KHDRBS2: variants seen among roughly 807,000 people sequenced by gnomAD.
The protein encoded by KHDRBS2 is KH RNA binding domain containing, signal transduction associated 2.
KHDRBS2 carries 26 observed loss-of-function variants against 44.3 expected under a neutral mutation model. That is an observed-to-expected ratio of 0.59 (90% CI 0.43 to 0.81). The LOEUF (loss-of-function observed/expected upper bound fraction) is 0.81, where lower values mean the gene tolerates loss of function less well. KHDRBS2 is among the 40% of genes least tolerant of loss of function. The pLI is 0.00. For missense variants in KHDRBS2, 476 were observed against 433.1 expected (o/e 1.10, Z -0.88); for synonymous variants, 194 against 151.1 (o/e 1.28, Z -2.08).
At chr6:61,938,460 A>G (rs1373327114) in intron 4 of KHDRBS2, among the ~76,000 whole-genome samples, 1 of 152,174 alleles carries the variant, frequency 6.6e-6, no homozygotes, top group Non-Finnish European at 1.5e-5. Context: ...GGTCAACCAC[A>G]TTGGAGAGTA....
chr6:61,739,933 T>A (rs868758466), intron 6 of KHDRBS2, among the ~76,000 whole-genome samples: 1 of 152,108 alleles, frequency 6.6e-6, no homozygotes, highest in Middle Eastern at 3.4e-3. Context: ...TTTAAAGTTG[T>A]GTAATTCAAT....
At chr6:61,716,998 C>A (rs1415927461) in intron 7 of KHDRBS2, among the ~76,000 whole-genome samples, 1 of 152,028 alleles carries the variant, frequency 6.6e-6, no homozygotes, top group African/African-American at 2.4e-5. Context: ...TGTTGACATG[C>A]CTTGATCTCA....
At chr6:61,806,194 A>C (rs1353436921) in intron 6 of KHDRBS2, among the ~76,000 whole-genome samples, 1 of 152,194 alleles carries the variant, frequency 6.6e-6, no homozygotes, top group Admixed American at 6.5e-5. Flanking sequence ...CGAAGCTGGA[A>C]ATGACATTGA....
At chr6:61,900,181 T>C (rs1803706625) in intron 5 of KHDRBS2, among the ~76,000 whole-genome samples, 1 of 152,088 alleles carries the variant, frequency 6.6e-6, no homozygotes, top group Non-Finnish European at 1.5e-5. Context: ...GATATTTTAT[T>C]TGAGAATTTA....
chr6:61,662,482 T>A, the KHDRBS2 span, among the ~76,000 whole-genome samples: 8 of 151,768 alleles, frequency 5.3e-5, no homozygotes, highest in Non-Finnish European at 7.4e-5. Flanking sequence ...TGGGAGAAAA[T>A]TTTTGCAATG....
intron 3 of KHDRBS2, among the ~76,000 whole-genome samples, chr6:62,018,711 A>G (rs1243545629): frequency 6.6e-6 from 1 of 152,178 alleles, no homozygotes; most frequent in Non-Finnish European, 1.5e-5. Context: ...TGGACATAAG[A>G]CTGAGTAGAC....
chr6:61,695,471 G>T (rs148957496), intron 8 of KHDRBS2, among the ~76,000 whole-genome samples: 1 of 152,144 alleles, frequency 6.6e-6, no homozygotes, highest in African/African-American at 2.4e-5. Context: ...TTTCTATAAG[G>T]ATTACTTCTG....
At chr6:62,237,069 C>G (rs939760494) in intron 1 of KHDRBS2, among the ~76,000 whole-genome samples, 1 of 152,180 alleles carries the variant, frequency 6.6e-6, no homozygotes, top group African/African-American at 2.4e-5. Flanking sequence ...TACTTCCTCA[C>G]TAAATGACGC....
chr6:62,156,079 G>C (rs1816315611), intron 2 of KHDRBS2, among the ~76,000 whole-genome samples: 1 of 152,064 alleles, frequency 6.6e-6, no homozygotes, highest in Admixed American at 6.6e-5. Flanking sequence ...ATTTTCCAGG[G>C]TGTAGTCAGA....
chr6:62,192,902 G>A (rs776125944), intron 1 of KHDRBS2, among the ~76,000 whole-genome samples: 2 of 152,082 alleles, frequency 1.3e-5, no homozygotes, highest in Non-Finnish European at 2.9e-5. Context: ...TACGCTTGTT[G>A]CTCATACTAC....
At chr6:61,678,276 G>A (rs2127536594), downstream of KHDRBS2, among the ~76,000 whole-genome samples, 2 of 152,064 alleles carry the variant, frequency 1.3e-5, 1 homozygote, top group South Asian at 4.1e-4. Context: ...TTCAGTTGAA[G>A]TTTATTGGCT....
At chr6:61,586,945 A>G in the KHDRBS2 span, among the ~76,000 whole-genome samples, 1 of 152,170 alleles carries the variant, frequency 6.6e-6, no homozygotes, top group Non-Finnish European at 1.5e-5. Flanking sequence ...CTAATAATAC[A>G]TGAGAAAACT....
intron 2 of KHDRBS2, among the ~76,000 whole-genome samples, chr6:62,117,378 C>T (rs1327316473): frequency 6.6e-6 from 1 of 152,116 alleles, no homozygotes; most frequent in Non-Finnish European, 1.5e-5. Context: ...TGTCACATAC[C>T]TGTTGACCAT....
chr6:61,860,680 A>G (rs529585966), intron 6 of KHDRBS2, among the ~76,000 whole-genome samples: 2 of 152,170 alleles, frequency 1.3e-5, no homozygotes, highest in African/African-American at 4.8e-5. Context: ...CAGTGGACAT[A>G]TGCATGCATG....
intron 7 of KHDRBS2, among the ~76,000 whole-genome samples, chr6:61,700,947 G>A (rs1768556277): frequency 1.3e-5 from 2 of 151,912 alleles, no homozygotes; most frequent in South Asian, 2.1e-4. Context: ...ACTGAATTTT[G>A]AGCCTCTGTT....
In KHDRBS2 at chr6:62,206,183, CA is replaced by C. The variant is rs75357140; in HGVS notation, c.92-28872del. On this transcript the variant is annotated intron_variant, in intron 1 of 8. Coordinates refer to ENST00000281156, the MANE Select transcript of KHDRBS2 (RefSeq NM_152688.4). ...TTCAACAGAATATCCATTTAATTTTCAAAACTATGCATAAATTTAGAAAATC... is the reference window on the plus strand; with the variant it reads ...TTCAACAGAATATCCATTTAATTTTCAAACTATGCATAAATTTAGAAAATC... 4.8e-3 allele frequency among the ~76,000 whole-genome samples: 735 copies of C among 152,142 alleles called. 16 individuals are homozygous for C. Among genetic ancestry groups the C allele is most frequent in the East Asian group, 0.048 (249 of 5,174 alleles).
At chr6:61,683,912 G>A (rs534482075) in intron 8 of KHDRBS2, among the ~76,000 whole-genome samples, 2 of 152,014 alleles carry the variant, frequency 1.3e-5, no homozygotes, top group East Asian at 3.9e-4. Context: ...CCAAGCAAAA[G>A]TAAGTTTCTA....
At chr6:61,868,560 T>C (rs539583) in intron 6 of KHDRBS2, among the ~76,000 whole-genome samples, 139,924 of 152,264 alleles carry the variant, frequency 0.92, 64,517 homozygotes, top group African/African-American at 0.97. Flanking sequence ...AGGAATGGAT[T>C]GGGGTCCCAC....
At chr6:62,120,845 C>G (rs1807456943) in intron 2 of KHDRBS2, among the ~76,000 whole-genome samples, 1 of 152,178 alleles carries the variant, frequency 6.6e-6, no homozygotes, top group Non-Finnish European at 1.5e-5. Context: ...GACCCCACTA[C>G]ATTACCAACA....
Sources: gnomAD v4.1 joint callset for allele counts (sites outside exome capture counted in the v4.1 genomes callset) on GRCh38, gnomAD v4.1.1 for gene constraint, MANE v1.5 for transcripts, NCBI Gene and HGNC (gene_info 2026-07-23, HGNC 2026-07-21) for gene names.